RAVER2: variants seen among roughly 807,000 people sequenced by gnomAD.
The protein encoded by RAVER2 is ribonucleoprotein, PTB binding 2.
RAVER2 carries 46 observed loss-of-function variants against 78.1 expected under a neutral mutation model. The observed-to-expected ratio is 0.59, with a 90% CI of 0.46 to 0.75. The LOEUF is 0.75. Among genes scored for constraint, RAVER2 ranks in the 30% least tolerant of loss-of-function variants. The probability of loss-of-function intolerance (pLI) is 0.00; values close to 1 mark genes in which losing one functional copy is unlikely to be tolerated. For synonymous variants in RAVER2, 311 were observed against 313.3 expected, an observed-to-expected ratio of 0.99 and a Z score of 0.08; for missense variants, 793 against 837.5, an observed-to-expected ratio of 0.95 and a Z score of 0.66.
chr1:64,831,007 C>T (rs1430799763), exon 12 of RAVER2: 2 of 1,606,272 alleles, frequency 1.2e-6, no homozygotes, highest in East Asian at 2.2e-5. Context: ...TCCTAATAAC[C>T]CCCTAAGGTT....
chr1:64,823,111 T>C (rs1470827736), intron 11 of RAVER2, among the ~76,000 whole-genome samples: 1 of 152,184 alleles, frequency 6.6e-6, no homozygotes, highest in Non-Finnish European at 1.5e-5. Context: ...ATTGTGGTGA[T>C]AGTTGTTCGT....
intron 11 of RAVER2, among the ~76,000 whole-genome samples, chr1:64,821,934 A>T (rs1182159644): frequency 6.6e-6 from 1 of 152,236 alleles, no homozygotes; most frequent in Non-Finnish European, 1.5e-5. Context: ...AGGAAGTGTA[A>T]ACACTGGACT....
At chr1:64,806,961 A>C (rs559824524) in intron 8 of RAVER2, among the ~76,000 whole-genome samples, 1 of 152,284 alleles carries the variant, frequency 6.6e-6, no homozygotes, top group Non-Finnish European at 1.5e-5. Flanking sequence ...AAAACTTAAA[A>C]ATTCCTTATC....
At chr1:64,821,789 A>G (rs576817453) in intron 11 of RAVER2, among the ~76,000 whole-genome samples, 1 of 152,350 alleles carries the variant, frequency 6.6e-6, no homozygotes, top group East Asian at 1.9e-4. Context: ...AAAGACTTAA[A>G]TGTAAAACAC....
intron 1 of RAVER2, among the ~76,000 whole-genome samples, chr1:64,766,981 T>G (rs1652190880): frequency 6.6e-6 from 1 of 152,160 alleles, no homozygotes; most frequent in African/African-American, 2.4e-5. Context: ...TAATTGAGCA[T>G]AGTACCATAT....
intron 5 of RAVER2, among the ~76,000 whole-genome samples, chr1:64,800,469 G>A (rs1429104986): frequency 6.6e-6 from 1 of 152,064 alleles, no homozygotes; most frequent in Non-Finnish European, 1.5e-5. Context: ...TTTATATATG[G>A]TGAGAGATAA....
At chr1:64,772,914 C>A (rs1652358946) in intron 2 of RAVER2, among the ~76,000 whole-genome samples, 1 of 151,996 alleles carries the variant, frequency 6.6e-6, no homozygotes, top group Non-Finnish European at 1.5e-5. Flanking sequence ...TGAGTAATAG[C>A]AAACCTTTGC....
At chr1:64,796,563 C>T (rs936800743) in intron 5 of RAVER2, among the ~76,000 whole-genome samples, 3 of 152,050 alleles carry the variant, frequency 2.0e-5, no homozygotes, top group East Asian at 1.9e-4. Flanking sequence ...TAACATTGTT[C>T]ATAGTATTCC....
At chr1:64,823,533 T>G (rs1473126734) in intron 11 of RAVER2, among the ~76,000 whole-genome samples, 4 of 152,188 alleles carry the variant, frequency 2.6e-5, no homozygotes, top group Non-Finnish European at 4.4e-5. Context: ...AGTTTGAAAT[T>G]TCAGATTCTG....
chr1:64,746,625 C>T (rs922875739), intron 1 of RAVER2, among the ~76,000 whole-genome samples: 4 of 152,156 alleles, frequency 2.6e-5, no homozygotes, highest in Non-Finnish European at 5.9e-5. Context: ...AACCTTATAA[C>T]CCGTAGGCAT....
At chr1:64,796,820 G>T (rs1653109114) in intron 5 of RAVER2, among the ~76,000 whole-genome samples, 3 of 151,842 alleles carry the variant, frequency 2.0e-5, no homozygotes, top group African/African-American at 7.2e-5. Flanking sequence ...TCCTTTTCTG[G>T]TTTTTTAAAG....
exon 12 of RAVER2, chr1:64,832,134 A>AATG (rs1654158459): frequency 6.6e-6 from 1 of 151,898 alleles, no homozygotes; most frequent in African/African-American, 2.4e-5. Context: ...GTAATGATCT[A>AATG]ATGACTAGAA....
At chr1:64,809,523 A>AATAG (rs1283004986) in intron 9 of RAVER2, among the ~76,000 whole-genome samples, 2 of 151,886 alleles carry the variant, frequency 1.3e-5, no homozygotes, top group African/African-American at 2.4e-5. Flanking sequence ...TAAATAAATA[A>AATAG]AAGAGATTTG....
At chr1:64,828,802 A>T (rs1353338987) in intron 11 of RAVER2, among the ~76,000 whole-genome samples, 1 of 152,220 alleles carries the variant, frequency 6.6e-6, no homozygotes, top group East Asian at 1.9e-4. Flanking sequence ...GTAAAATCTG[A>T]TAATTAATAA....
intron 1 of RAVER2, among the ~76,000 whole-genome samples, chr1:64,751,297 G>C (rs1200641719): frequency 6.6e-6 from 1 of 152,154 alleles, no homozygotes. Context: ...TAAGTAGTAC[G>C]ACAACATCTA....
chr1:64,753,523 CTTTTTTTTTTT>C (rs59448781), intron 1 of RAVER2, among the ~76,000 whole-genome samples: 4 of 100,914 alleles, frequency 4.0e-5, no homozygotes, highest in Non-Finnish European at 7.4e-5. Flanking sequence ...GTATAGAATT[CTTTTTTTTTTT>C]TTTTTTTTTT....
At chr1:64,833,121 G>A (rs1364410778) in exon 12 of RAVER2, 3 of 182,942 alleles carry the variant, frequency 1.6e-5, no homozygotes, top group African/African-American at 2.4e-5. Flanking sequence ...AGTAAGGACC[G>A]TAACCCACCC....
exon 3 of RAVER2, chr1:64,777,894 T>C: frequency 1.2e-6 from 2 of 1,614,124 alleles, no homozygotes; most frequent in Non-Finnish European, 1.7e-6. Context: ...AGGACTTTGC[T>C]GCAAAGGCTA....
chr1:64,814,774 A>G, exon 11 of RAVER2: 4 of 1,592,056 alleles, frequency 2.5e-6, no homozygotes, highest in Non-Finnish European at 3.4e-6. Context: ...TCTCTCAGGG[A>G]AGTGAATCAC....
Sources: gnomAD v4.1 joint callset for allele counts (sites outside exome capture counted in the v4.1 genomes callset) on GRCh38, gnomAD v4.1.1 for gene constraint, MANE v1.5 for transcripts, NCBI Gene and HGNC (gene_info 2026-07-23, HGNC 2026-07-21) for gene names.